GRAMD2A: variants seen among roughly 807,000 people sequenced by gnomAD.
The protein encoded by GRAMD2A is GRAM domain containing 2A.
A neutral mutation model predicts 51.1 loss-of-function variants in GRAMD2A; 37 were observed. The observed-to-expected ratio is 0.72, with a 90% CI of 0.56 to 0.95. The LOEUF is 0.95. Ranked by LOEUF, GRAMD2A falls within the 40% of genes least tolerant of loss-of-function variation. The probability of loss-of-function intolerance (pLI) is 0.00; values close to 1 mark genes in which losing one functional copy is unlikely to be tolerated. For missense variants in GRAMD2A, 414 were observed against 426.9 expected (o/e 0.97, Z 0.27); for synonymous variants, 136 against 157.1 (o/e 0.87, Z 1.01).
At position 72,168,574 on chromosome 15, in the gene GRAMD2A, C is replaced by T. The variant is rs1229919756; in HGVS notation, c.193-8G>A. 6.2e-7 allele frequency: 1 copy of T among 1,612,268 alleles called. No individual in the cohort carries two copies. Among genetic ancestry groups the T allele is most frequent in the Non-Finnish European group, 8.5e-7 (1 of 1,178,498 alleles). The stretch of plus-strand genomic sequence containing the variant: ...GTATTTATTCAGTGTTATCTGCAAA[C>T]ACACAGGCTGCGTCTGAGAAGCGCT... On this transcript the variant is annotated splice_region_variant and splice_polypyrimidine_tract_variant and intron_variant, in intron 3 of 11. Transcript: ENST00000309731.
chr15:72,184,683 G>A (rs1274468104), intron 1 of GRAMD2A, among the ~76,000 whole-genome samples: 2 of 152,214 alleles, frequency 1.3e-5, no homozygotes, highest in African/African-American at 4.8e-5. Flanking sequence ...TAGGTCCTGG[G>A]ACCTCCTCCT....
chr15:72,189,779 G>A (rs1229511086), intron 1 of GRAMD2A, among the ~76,000 whole-genome samples: 1 of 152,140 alleles, frequency 6.6e-6, no homozygotes, highest in East Asian at 1.9e-4. Context: ...GAATGATAAC[G>A]GGAGGCTCAG....
At chr15:72,184,472 C>T (rs1346893509) in intron 1 of GRAMD2A, among the ~76,000 whole-genome samples, 2 of 152,224 alleles carry the variant, frequency 1.3e-5, no homozygotes, top group Non-Finnish European at 2.9e-5. Context: ...CTGCTGGGCT[C>T]CCGGGAAAAG....
intron 1 of GRAMD2A, among the ~76,000 whole-genome samples, chr15:72,196,618 G>C (rs1289582101): frequency 6.6e-6 from 1 of 152,196 alleles, no homozygotes; most frequent in Non-Finnish European, 1.5e-5. Flanking sequence ...ATAAGTCTTT[G>C]CTCTGAAAGG....
chr15:72,167,529 G>C (rs1198430734), intron 5 of GRAMD2A, among the ~76,000 whole-genome samples: 1 of 152,252 alleles, frequency 6.6e-6, no homozygotes. Flanking sequence ...CCAGATGTGG[G>C]GTCCAGATTG....
At chr15:72,162,425 G>A (rs1451474602) in intron 10 of GRAMD2A, 48 bp from the exon 11 acceptor site, 15 of 1,414,966 alleles carry the variant, frequency 1.1e-5, no homozygotes, top group African/African-American at 1.4e-5. Context: ...CACAGAAAGA[G>A]CATTTCTGGA....
At chr15:72,197,709 C>T (rs1371181145) in intron 1 of GRAMD2A, 22 bp downstream of exon 1, 1 of 1,308,376 alleles carries the variant, frequency 7.6e-7, no homozygotes, top group Non-Finnish European at 9.8e-7. Flanking sequence ...CCGAGACCGG[C>T]CCCCGGGCCG....
At position 72,170,217 on chromosome 15, in the gene GRAMD2A, C is replaced by T. The variant is rs1567084799; in HGVS notation, c.42-278G>A. 1.8e-6 allele frequency: 1 copy of T among 568,750 alleles called. No individual in the cohort carries two copies. The highest frequency in any genetic ancestry group is 3.3e-6 in the Non-Finnish European group (1 of 300,334). The allele number at this position is 568,750 out of a possible 1,614,324, so 35.2% of individuals were successfully genotyped here. ...GAAAATCAACCTGTCTACCTCATCTCCAGTGCCAGGCAGCTCGTAGGCCAG... is the reference window on the plus strand; with the variant it reads ...GAAAATCAACCTGTCTACCTCATCTTCAGTGCCAGGCAGCTCGTAGGCCAG... On this transcript the variant is annotated intron_variant, in intron 1 of 11. Coordinates refer to ENST00000309731, the MANE Select transcript of GRAMD2A (RefSeq NM_001012642.3). The surrounding 1 kb of genome is among the most constrained non-coding windows in gnomAD (Gnocchi z 4.5).
intron 1 of GRAMD2A, among the ~76,000 whole-genome samples, chr15:72,184,612 C>G (rs909865060): frequency 6.6e-6 from 1 of 152,244 alleles, no homozygotes; most frequent in Non-Finnish European, 1.5e-5. Context: ...TCGGCTCCCC[C>G]AGGCTGGGCT....
At chr15:72,184,023 C>A (rs886185807) in intron 1 of GRAMD2A, among the ~76,000 whole-genome samples, 2 of 152,264 alleles carry the variant, frequency 1.3e-5, no homozygotes, top group Admixed American at 6.5e-5. Flanking sequence ...CCCCTCTGAA[C>A]CTGCCCTCCG....
rs2081601114 is a variant in GRAMD2A at position 72,170,597 on chromosome 15, C to CCT, written c.42-660_42-659dup. Among the ~76,000 whole-genome samples the CCT allele has an allele frequency of 6.6e-6, 1 of 152,280 alleles. No homozygotes were observed. Among genetic ancestry groups the CCT allele is most frequent in the South Asian group, 2.1e-4 (1 of 4,826 alleles). Reference sequence around the variant, plus strand: ...AGGGAGAGCGTAGGAGGGAACAGATCCTCTCTCCCTGGGCAGGTCGGGCTC... The same window carrying CCT: ...AGGGAGAGCGTAGGAGGGAACAGATCCTCTCTCTCCCTGGGCAGGTCGGGCTC... On this transcript the variant is annotated intron_variant, in intron 1 of 11. Coordinates refer to ENST00000309731, the MANE Select transcript of GRAMD2A (RefSeq NM_001012642.3). This position sits in a 1 kb window ranked among gnomAD's most constrained non-coding sequence, Gnocchi z 4.5.
chr15:72,180,799 C>T (rs1360799530), intron 1 of GRAMD2A, among the ~76,000 whole-genome samples: 1 of 152,174 alleles, frequency 6.6e-6, no homozygotes, highest in Non-Finnish European at 1.5e-5. Flanking sequence ...CTCAGTGACT[C>T]CTCTGCAAAG....
chr15:72,161,611 A>AT lies in GRAMD2A; in HGVS notation c.*397_*398insA. 1 of 265,148 alleles carries AT rather than the reference A, an allele frequency of 3.8e-6. No individual in the cohort carries two copies. Among genetic ancestry groups the AT allele is most frequent in the Non-Finnish European group, 7.4e-6 (1 of 135,556 alleles). 16.4% of individuals were successfully genotyped at this position (265,148 alleles called of 1,614,324 possible). A position where few individuals can be genotyped will look rare whatever the true frequency, so the allele number is the denominator to read the frequency against. ...TAGGAGTGAGCTGTGTGGCAGAGCCACATTCCAAATGCGAAAGCATGGCCT... is the reference window on the plus strand; with the variant it reads ...TAGGAGTGAGCTGTGTGGCAGAGCCATCATTCCAAATGCGAAAGCATGGCCT... On this transcript the variant is annotated 3_prime_UTR_variant, in exon 12 of 12. Transcript: ENST00000309731.
Position 72,170,286 on chromosome 15 carries a change from G to A in GRAMD2A, c.42-347C>T, listed in dbSNP as rs2081596829. 8 of 497,320 alleles carry A rather than the reference G, an allele frequency of 1.6e-5. No homozygotes were observed. The highest frequency in any genetic ancestry group is 3.1e-5 in the Non-Finnish European group (8 of 254,572). 30.8% of individuals were successfully genotyped at this position (497,320 alleles called of 1,614,324 possible). A position where few individuals can be genotyped will look rare whatever the true frequency, so the allele number is the denominator to read the frequency against. On this transcript the variant is annotated intron_variant, in intron 1 of 11. Transcript: ENST00000309731. This position sits in a 1 kb window ranked among gnomAD's most constrained non-coding sequence, Gnocchi z 4.5. ...CCCCACCCTTGAGGAGGCACACTGA[G>A]AGGGAGGACCCTGAGACTCGCTTAT...
At chr15:72,194,146 G>A (rs1292269404) in intron 1 of GRAMD2A, among the ~76,000 whole-genome samples, 3 of 152,224 alleles carry the variant, frequency 2.0e-5, no homozygotes, top group African/African-American at 4.8e-5. Context: ...GGCCAAGGCC[G>A]ACCTCAAGTG....
chr15:72,193,164 TAA>T (rs2081780239), intron 1 of GRAMD2A, among the ~76,000 whole-genome samples: 1 of 151,086 alleles, frequency 6.6e-6, no homozygotes, highest in South Asian at 2.1e-4. Context: ...AATAAATAAA[TAA>T]AGATTGGTTC....
At chr15:72,175,201 T>A (rs1026909481) in intron 1 of GRAMD2A, among the ~76,000 whole-genome samples, 12 of 151,952 alleles carry the variant, frequency 7.9e-5, no homozygotes, top group African/African-American at 2.4e-4. Flanking sequence ...TAAAACCATC[T>A]CTTTTCTCAT....
At chr15:72,174,688 T>G (rs900551449) in intron 1 of GRAMD2A, among the ~76,000 whole-genome samples, 4 of 152,128 alleles carry the variant, frequency 2.6e-5, no homozygotes, top group Non-Finnish European at 5.9e-5. Context: ...CTGCCTGCTC[T>G]CCAGCCCCAT....
intron 1 of GRAMD2A, among the ~76,000 whole-genome samples, chr15:72,183,243 C>T (rs892309580): frequency 1.5e-4 from 23 of 151,496 alleles, no homozygotes; most frequent in Admixed American, 4.6e-4. Flanking sequence ...CTTGGCCGGG[C>T]GCGGTGGCTC....
Sources: allele counts gnomAD v4.1 joint callset (sites outside exome capture counted in the v4.1 genomes callset), GRCh38; gene constraint gnomAD v4.1.1; non-coding constraint Gnocchi (gnomAD v3.1); transcripts MANE v1.5; gene names NCBI Gene and HGNC (gene_info 2026-07-23, HGNC 2026-07-21).